Variants in GRID2 observed in about 807,000 individuals in gnomAD.
GRID2 encodes glutamate receptor ionotropic, delta-2.
GRID2 carries 33 observed loss-of-function variants against 114.8 expected under a neutral mutation model. The observed-to-expected ratio is 0.29, with a 90% confidence interval of 0.22 to 0.38. GRID2 has a LOEUF of 0.38. Among genes scored for constraint, GRID2 ranks in the 10% least tolerant of loss-of-function variants. GRID2 has a pLI of 1.00. For synonymous variants in GRID2, 505 were observed against 449.9 expected (o/e 1.12, Z -1.55); for missense variants, 1,184 against 1,257.7 (o/e 0.94, Z 0.89).
Position 92,441,584 on chromosome 4 carries a change from G to C in GRID2, c.88+136840G>C, listed in dbSNP as rs144933483. 8.9e-3 allele frequency among the ~76,000 whole-genome samples: 1,356 copies of C among 152,244 alleles called. 23 individuals carry two copies. Among genetic ancestry groups the C allele is most frequent in the African/African-American group, 0.031 (1,292 of 41,530 alleles). On this transcript the variant is annotated intron_variant, in intron 1 of 15. Transcript: ENST00000282020. ...GATCCTGAGCTAACTTGTAAGGCTC[G>C]TCTGGTTTTAGGACAGGTAAAATGG... is the stretch of plus-strand genomic sequence containing the variant.
At chr4:93,731,761 C>G (rs1490964672) in intron 14 of GRID2, among the ~76,000 whole-genome samples, 1 of 152,142 alleles carries the variant, frequency 6.6e-6, no homozygotes, top group Non-Finnish European at 1.5e-5. Context: ...CTCTTCTCCT[C>G]TCTAAAAGAC....
At chr4:93,311,775 C>A (rs181719857) in intron 8 of GRID2, among the ~76,000 whole-genome samples, 10 of 152,054 alleles carry the variant, frequency 6.6e-5, no homozygotes, top group East Asian at 3.9e-4. Context: ...ATCAACAAGG[C>A]CAAATGATGC....
chr4:92,462,669 C>A (rs2149089014), intron 1 of GRID2, among the ~76,000 whole-genome samples: 1 of 151,796 alleles, frequency 6.6e-6, no homozygotes, highest in South Asian at 2.1e-4. Flanking sequence ...AAACACATTC[C>A]TAAAATAGTT....
chr4:93,797,153 T>C (rs917473712), intron 1 of GRID2, among the ~76,000 whole-genome samples: 3 of 152,216 alleles, frequency 2.0e-5, no homozygotes, highest in African/African-American at 7.2e-5. Flanking sequence ...ATTATAATCT[T>C]ACAGGACCAC....
At chr4:93,783,843 T>C (rs540203312) in intron 1 of GRID2, among the ~76,000 whole-genome samples, 136 of 151,444 alleles carry the variant, frequency 9.0e-4, no homozygotes, top group African/African-American at 3.0e-3. Context: ...GAGGCCGAGG[T>C]GGGCGGATCA....
chr4:93,130,465 A>G (rs1189518532), intron 4 of GRID2, among the ~76,000 whole-genome samples: 1 of 152,220 alleles, frequency 6.6e-6, no homozygotes, highest in African/African-American at 2.4e-5. Context: ...AACTGGTAAT[A>G]CATTCTGAAT....
At chr4:92,980,619 G>C (rs1754132640) in intron 2 of GRID2, among the ~76,000 whole-genome samples, 1 of 151,906 alleles carries the variant, frequency 6.6e-6, no homozygotes, top group Non-Finnish European at 1.5e-5. Context: ...CTAGGTTTTA[G>C]GAGTCATAAT....
chr4:93,615,845 C>A (rs1741584664), intron 13 of GRID2, among the ~76,000 whole-genome samples: 1 of 151,706 alleles, frequency 6.6e-6, no homozygotes, highest in Non-Finnish European at 1.5e-5. Flanking sequence ...GTCAGTTCAT[C>A]CTTTTTTATA....
chr4:93,346,309 A>G lies in GRID2; in HGVS notation c.1246-49298A>G, dbSNP rs140987491. Among the ~76,000 whole-genome samples the G allele has an allele frequency of 2.7e-3, 417 of 152,250 alleles. 2 individuals carry two copies. Among genetic ancestry groups the G allele is most frequent in the African/African-American group, 9.0e-3 (373 of 41,564 alleles). ...ATTTGAGGTCGAAATTCCTATTACT[A>G]TTACATTTTTAGAAATGCCTCATGG... On this transcript the variant is annotated intron_variant, in intron 8 of 15. Transcript: ENST00000282020.
In GRID2 at chr4:93,726,002, T is replaced by C. The variant is rs569435687; in HGVS notation, c.2361-43208T>C. 3.0e-4 allele frequency among the ~76,000 whole-genome samples: 46 copies of C among 152,364 alleles called. 1 individual carries two copies. Among genetic ancestry groups the C allele is most frequent in the Non-Finnish European group, 5.3e-4 (36 of 68,030 alleles). On this transcript the variant is annotated intron_variant, in intron 14 of 15. Transcript: ENST00000282020. ...CTTTAGTTTAATTAGATCCCATTTG[T>C]CAATCTTTGGCTTTGGTTGCCATTG...
chr4:92,385,695 G>C (rs1729913939), intron 1 of GRID2, among the ~76,000 whole-genome samples: 1 of 150,882 alleles, frequency 6.6e-6, no homozygotes, highest in South Asian at 2.1e-4. Flanking sequence ...CTATACATTT[G>C]TTTAAAAAAC....
In GRID2 at chr4:93,344,984, AGTGTGTGTGTGTGTGT is replaced by A. The variant is rs35018148; in HGVS notation, c.1246-50600_1246-50585del. Among the ~76,000 whole-genome samples the A allele has an allele frequency of 2.3e-4, 33 of 142,498 alleles. No individual in the cohort carries two copies. In the South Asian group the frequency reaches 4.2e-3, roughly 18 times the overall value. 93.5% of individuals were successfully genotyped at this position (142,498 alleles called of 152,430 possible). ...CTTTTTAAAGGCTGAGTTGTATTCT[AGTGTGTGTGTGTGTGT>A]GTGTGTGTGTGTGTGTGTGTGTAGC... On this transcript the variant is annotated intron_variant, in intron 8 of 15. Coordinates refer to ENST00000282020, the MANE Select transcript of GRID2 (RefSeq NM_001510.4).
At chr4:93,129,970 T>C (rs1734643018) in intron 4 of GRID2, among the ~76,000 whole-genome samples, 1 of 152,300 alleles carries the variant, frequency 6.6e-6, no homozygotes, top group African/African-American at 2.4e-5. Context: ...ATGATTAAGC[T>C]CTTTAAGCAA....
chr4:92,652,627 A>C (rs572495724), intron 2 of GRID2, among the ~76,000 whole-genome samples: 43 of 133,580 alleles, frequency 3.2e-4, no homozygotes, highest in Non-Finnish European at 5.7e-4. Flanking sequence ...GGCTGCAGTG[A>C]GCTGTCATTC....
At chr4:92,355,054 A>G (rs879077488) in intron 1 of GRID2, among the ~76,000 whole-genome samples, 3 of 151,410 alleles carry the variant, frequency 2.0e-5, no homozygotes, top group Non-Finnish European at 4.4e-5. Context: ...ACTCATGGCG[A>G]CTCCTCCTCA....
chr4:93,216,442 T>C (rs952516661), intron 5 of GRID2, among the ~76,000 whole-genome samples: 1 of 152,150 alleles, frequency 6.6e-6, no homozygotes, highest in Admixed American at 6.6e-5. Flanking sequence ...CCTATGTTTC[T>C]ACAATGTTCA....
intron 2 of GRID2, among the ~76,000 whole-genome samples, chr4:92,696,081 A>G (rs1173521840): frequency 1.3e-5 from 2 of 152,142 alleles, no homozygotes; most frequent in Non-Finnish European, 2.9e-5. Context: ...GTATATGTTC[A>G]GGAAAAAGTA....
chr4:92,749,978 C>A (rs932233752), intron 2 of GRID2, among the ~76,000 whole-genome samples: 1 of 152,092 alleles, frequency 6.6e-6, no homozygotes. Flanking sequence ...TCTCCTGCCT[C>A]AGCCTCCCGA....
chr4:92,831,690 C>A (rs1578259098), intron 2 of GRID2, among the ~76,000 whole-genome samples: 1 of 151,750 alleles, frequency 6.6e-6, no homozygotes, highest in Non-Finnish European at 1.5e-5. Context: ...GCTGTCTCTA[C>A]AAAAAATTAA....
Sources: allele counts gnomAD v4.1 joint callset (sites outside exome capture counted in the v4.1 genomes callset), GRCh38; gene constraint gnomAD v4.1.1; transcripts MANE v1.5; gene names NCBI Gene and HGNC (gene_info 2026-07-23, HGNC 2026-07-21).